FHIT: variants seen among roughly 807,000 people sequenced by gnomAD.
FHIT encodes fragile histidine triad diadenosine triphosphatase.
FHIT carries 19 observed loss-of-function variants against 17.9 expected under a neutral mutation model. The observed-to-expected ratio is 1.06, with a 90% CI of 0.74 to 1.56. The LOEUF (loss-of-function observed/expected upper bound fraction) is 1.56, where lower values mean the gene tolerates loss of function less well. FHIT is among the 40% of genes most tolerant of loss of function. The pLI is 0.00. For missense variants in FHIT, 248 were observed against 189.2 expected (o/e 1.31, Z -1.82); for synonymous variants, 81 against 69.7 (o/e 1.16, Z -0.81).
At chr3:60,640,314 A>G (rs2039695554) in intron 4 of FHIT, among the ~76,000 whole-genome samples, 1 of 152,114 alleles carries the variant, frequency 6.6e-6, no homozygotes, top group Non-Finnish European at 1.5e-5. Flanking sequence ...TTCCTAAAAG[A>G]CAGTTGAAAT....
intron 4 of FHIT, among the ~76,000 whole-genome samples, chr3:60,653,933 G>T (rs528073899): frequency 2.0e-5 from 3 of 152,178 alleles, no homozygotes; most frequent in Non-Finnish European, 4.4e-5. Context: ...TGGAGGTGGG[G>T]CCTGGTGGGA....
intron 4 of FHIT, among the ~76,000 whole-genome samples, chr3:60,673,312 A>G (rs62251501): frequency 0.067 from 10,128 of 152,160 alleles, 464 homozygotes; most frequent in African/African-American, 0.13. Flanking sequence ...TTTATCTAAA[A>G]CTTAGGTTTT....
At chr3:60,116,506 C>T (rs1704969396) in intron 5 of FHIT, among the ~76,000 whole-genome samples, 1 of 152,122 alleles carries the variant, frequency 6.6e-6, no homozygotes, top group Non-Finnish European at 1.5e-5. Context: ...CCTTGAGATA[C>T]TGTTTACCTA....
At chr3:59,902,830 C>G (rs1704393607) in intron 8 of FHIT, among the ~76,000 whole-genome samples, 1 of 152,170 alleles carries the variant, frequency 6.6e-6, no homozygotes, top group African/African-American at 2.4e-5. Flanking sequence ...AGGGTACAAA[C>G]TTTCAGTTAT....
chr3:60,810,350 G>C (rs1008922328), intron 4 of FHIT, among the ~76,000 whole-genome samples: 2 of 152,150 alleles, frequency 1.3e-5, no homozygotes, highest in East Asian at 3.9e-4. Context: ...AAAGCAAACT[G>C]AAATATTAAG....
At chr3:59,933,610 T>C (rs116181579) in intron 7 of FHIT, among the ~76,000 whole-genome samples, 1,764 of 152,278 alleles carry the variant, frequency 0.012, 30 homozygotes, top group African/African-American at 0.04. Flanking sequence ...TTTGCTATGC[T>C]CCTTCCTGAG....
At chr3:60,747,894 G>A (rs994403209) in intron 4 of FHIT, among the ~76,000 whole-genome samples, 6 of 152,198 alleles carry the variant, frequency 3.9e-5, no homozygotes, top group African/African-American at 1.2e-4. Context: ...GAATGGAAAG[G>A]TGGGTATCCC....
intron 8 of FHIT, among the ~76,000 whole-genome samples, chr3:59,895,231 C>CA (rs1286092253): frequency 8.5e-5 from 13 of 152,210 alleles, no homozygotes; most frequent in African/African-American, 3.1e-4. Context: ...GCACGGAACA[C>CA]AGAGCAGTGT....
At chr3:59,752,457 T>G (rs1428953650) in intron 8 of FHIT, 136 bp from the exon 9 acceptor site, 1 of 595,064 alleles carries the variant, frequency 1.7e-6, no homozygotes, top group Non-Finnish European at 3.0e-6. Context: ...TTGTTTCAGT[T>G]GCTACAACTT....
chr3:60,205,783 T>C (rs764083149), intron 5 of FHIT, among the ~76,000 whole-genome samples: 1 of 152,050 alleles, frequency 6.6e-6, no homozygotes, highest in African/African-American at 2.4e-5. Flanking sequence ...TTTGGTGAAA[T>C]TGTGTTTTTA....
In FHIT at chr3:61,179,048, T is replaced by A. The variant is rs372115945; in HGVS notation, c.-164+21569A>T. 2.0e-5 allele frequency among the ~76,000 whole-genome samples: 3 copies of A among 149,086 alleles called. No homozygotes were observed. In the East Asian group the frequency reaches 6.1e-4, roughly 30 times the overall value. On this transcript the variant is annotated intron_variant, in intron 2 of 9. Coordinates refer to ENST00000492590, the MANE Select transcript of FHIT (RefSeq NM_002012.4). ...TTTTTTGAGACAGAGTCTCACTCTG[T>A]TGCCCAGGATGGAATGCAGCAGTGC...
At chr3:60,765,822 G>A (rs1165001854) in intron 4 of FHIT, among the ~76,000 whole-genome samples, 1 of 152,202 alleles carries the variant, frequency 6.6e-6, no homozygotes, top group Non-Finnish European at 1.5e-5. Flanking sequence ...CCAAATGCAG[G>A]TGGAAGAAGG....
chr3:60,225,974 G>A (rs1038315300), intron 5 of FHIT, among the ~76,000 whole-genome samples: 2 of 152,170 alleles, frequency 1.3e-5, no homozygotes, highest in African/African-American at 4.8e-5. Flanking sequence ...GGGACCCAGT[G>A]AGGCTGGGCG....
At chr3:60,905,203 T>C (rs1553764213) in intron 3 of FHIT, among the ~76,000 whole-genome samples, 1 of 152,118 alleles carries the variant, frequency 6.6e-6, no homozygotes, top group East Asian at 1.9e-4. Context: ...AACCGAAAAC[T>C]CTTCTTAACA....
intron 5 of FHIT, among the ~76,000 whole-genome samples, chr3:60,248,827 T>C (rs1280491669): frequency 6.6e-6 from 1 of 152,108 alleles, no homozygotes; most frequent in Non-Finnish European, 1.5e-5. Flanking sequence ...TCTTCCCGAA[T>C]GCAGGGATAA....
intron 5 of FHIT, among the ~76,000 whole-genome samples, chr3:60,098,143 C>A (rs1298880376): frequency 7.1e-6 from 1 of 141,128 alleles, no homozygotes; most frequent in Non-Finnish European, 1.5e-5. Flanking sequence ...GGTTCCAAGT[C>A]TTTGCTATTG....
chr3:61,039,757 C>T (rs779344349), intron 3 of FHIT, among the ~76,000 whole-genome samples: 14 of 152,028 alleles, frequency 9.2e-5, no homozygotes, highest in African/African-American at 2.4e-4. Flanking sequence ...ATGCAGATGA[C>T]GGGTTGATGG....
At chr3:59,945,564 C>G (rs942503770) in intron 7 of FHIT, among the ~76,000 whole-genome samples, 1 of 149,288 alleles carries the variant, frequency 6.7e-6, no homozygotes, top group Non-Finnish European at 1.5e-5. Flanking sequence ...GTCACAATTG[C>G]TTTTGGCATC....
chr3:59,875,286 C>G (rs1703101629), intron 8 of FHIT, among the ~76,000 whole-genome samples: 1 of 152,196 alleles, frequency 6.6e-6, no homozygotes, highest in African/African-American at 2.4e-5. Flanking sequence ...AGGCGACTGC[C>G]AGAGGTGCCA....
Sources: allele counts gnomAD v4.1 joint callset (sites outside exome capture counted in the v4.1 genomes callset), GRCh38; gene constraint gnomAD v4.1.1; transcripts MANE v1.5; gene names NCBI Gene and HGNC (gene_info 2026-07-23, HGNC 2026-07-21).